Variants in PTGR2 observed in about 807,000 individuals in gnomAD.
PTGR2 encodes prostaglandin reductase 2, also known as 15-oxoprostaglandin 13-reductase.
In PTGR2, 32 loss-of-function variants were observed where a neutral mutation model predicts 43.4. The observed-to-expected ratio is 0.74, with a 90% confidence interval of 0.56 to 0.99. PTGR2 has a LOEUF of 0.99. PTGR2 is among the 50% of genes least tolerant of loss of function. PTGR2 has a pLI of 0.00. For synonymous variants in PTGR2, 106 were observed against 139.2 expected, an observed-to-expected ratio of 0.76 and a Z score of 1.68; for missense variants, 373 against 420.0, an observed-to-expected ratio of 0.89 and a Z score of 0.98.
chr14:73,857,664 GT>G (rs1213963564), intron 1 of PTGR2, among the ~76,000 whole-genome samples: 7,291 of 64,268 alleles, frequency 0.11, 151 homozygotes, highest in Admixed American at 0.18. Context: ...AGCAGTTAGT[GT>G]TTTTTTTTTT....
At position 73,883,825 on chromosome 14, in the gene PTGR2, C is replaced by G. The variant is rs535391015; in HGVS notation, c.980-276C>G. The stretch of plus-strand genomic sequence containing the variant: ...ATTCCCATTTTTTTTTGCCTCTAGT[C>G]TTCAGATACTGTAAACAATGAACAT... On this transcript the variant is annotated intron_variant, in intron 9 of 9. Transcript: ENST00000555661. Among the ~76,000 whole-genome samples, 4 of 152,104 alleles carry G rather than the reference C, an allele frequency of 2.6e-5. No homozygotes were observed. In the East Asian group the frequency reaches 7.7e-4, roughly 29 times the overall value.
chr14:73,862,859 C>T (rs910685975), intron 3 of PTGR2, among the ~76,000 whole-genome samples: 3 of 151,970 alleles, frequency 2.0e-5, no homozygotes, highest in Non-Finnish European at 4.4e-5. Flanking sequence ...AGGTATGCAC[C>T]ACCACACCCG....
chr14:73,870,352 T>G (rs2054699877), intron 3 of PTGR2, among the ~76,000 whole-genome samples: 1 of 152,070 alleles, frequency 6.6e-6, no homozygotes, highest in Non-Finnish European at 1.5e-5. Flanking sequence ...CTAATTTTTG[T>G]ATTTTTTAGT....
At chr14:73,881,172 C>A in intron 7 of PTGR2, 33 bp from the exon 8 acceptor site, 1 of 1,296,696 alleles carries the variant, frequency 7.7e-7, no homozygotes, top group South Asian at 1.2e-5. Flanking sequence ...CCGTTATATT[C>A]TCTGATCATT....
chr14:73,860,175 C>A (rs1566635006), intron 2 of PTGR2, among the ~76,000 whole-genome samples: 1 of 151,982 alleles, frequency 6.6e-6, no homozygotes, highest in Non-Finnish European at 1.5e-5. Context: ...AGGAACTGTT[C>A]TGAATCCTAG....
In PTGR2 at chr14:73,884,650, CT is replaced by C; in HGVS notation, c.*480del. 1 of 153,156 alleles carries C rather than the reference CT, an allele frequency of 6.5e-6. No individual in the cohort carries two copies. The highest frequency in any genetic ancestry group is 1.4e-5 in the Non-Finnish European group (1 of 69,562). The allele number at this position is 153,156 out of a possible 1,614,324, so 9.5% of individuals were successfully genotyped here. A position where few individuals can be genotyped will look rare whatever the true frequency, so the allele number is the denominator to read the frequency against. ...GGTGTAAAAATAGAATTGAGATGGCCTTTTTTTCACATTGTAGACTGAAAAG... is the reference window on the plus strand; with the variant it reads ...GGTGTAAAAATAGAATTGAGATGGCCTTTTTTCACATTGTAGACTGAAAAG... On this transcript the variant is annotated 3_prime_UTR_variant, in exon 10 of 10. Transcript: ENST00000555661.
At chr14:73,855,917 A>G (rs2054334538) in intron 1 of PTGR2, among the ~76,000 whole-genome samples, 1 of 150,904 alleles carries the variant, frequency 6.6e-6, no homozygotes, top group Admixed American at 6.6e-5. Context: ...TTAGCCGGGC[A>G]TGGTGGCACG....
At chr14:73,868,230 A>AGTGAGCC (rs1318723508) in intron 3 of PTGR2, among the ~76,000 whole-genome samples, 1 of 152,072 alleles carries the variant, frequency 6.6e-6, no homozygotes, top group African/African-American at 2.4e-5. Flanking sequence ...CCGAGGTTGC[A>AGTGAGCC]GTGAGCCGAG....
intron 7 of PTGR2, among the ~76,000 whole-genome samples, 172 bp from the exon 8 acceptor site, chr14:73,881,033 T>C (rs554705932): frequency 5.5e-4 from 84 of 152,218 alleles, no homozygotes; most frequent in South Asian, 1.2e-3. Context: ...AAATTATTAA[T>C]AGAAGTCTAC....
chr14:73,854,139 G>A (rs1260301693), intron 1 of PTGR2, among the ~76,000 whole-genome samples: 2 of 151,726 alleles, frequency 1.3e-5, no homozygotes, highest in African/African-American at 2.4e-5. Flanking sequence ...TTTCGCTCTT[G>A]TCCCCCAGGC....
intron 6 of PTGR2, 131 bp from the exon 7 acceptor site, chr14:73,879,924 C>T (rs1320526644): frequency 2.6e-6 from 2 of 779,522 alleles, no homozygotes; most frequent in African/African-American, 1.8e-5. Flanking sequence ...ATACCTCTAA[C>T]AGGTAAATTA....
intron 3 of PTGR2, among the ~76,000 whole-genome samples, chr14:73,866,092 C>G (rs562287060): frequency 3.9e-5 from 6 of 151,974 alleles, no homozygotes; most frequent in African/African-American, 1.4e-4. Flanking sequence ...ACCTCCACTT[C>G]CCGGGTTCAA....
intron 1 of PTGR2, among the ~76,000 whole-genome samples, chr14:73,857,208 T>C (rs1158954697): frequency 6.6e-6 from 1 of 151,684 alleles, no homozygotes; most frequent in Non-Finnish European, 1.5e-5. Context: ...ATATTACTTT[T>C]ATTGTCAGCT....
intron 3 of PTGR2, among the ~76,000 whole-genome samples, chr14:73,872,966 C>T (rs891195003): frequency 1.4e-5 from 2 of 147,314 alleles, no homozygotes; most frequent in East Asian, 2.0e-4. Flanking sequence ...GACAGAGACT[C>T]CATCTCAAAA....
Position 73,874,154 on chromosome 14 carries a change from G to C in PTGR2, c.288G>C (p.Val96=), listed in dbSNP as rs1037290573. Residue 96 remains valine (V), a synonymous_variant, in exon 4 of 10, where the codon GTG becomes GTC. Transcript: ENST00000555661. The part of the protein sequence containing the change: ...KHTNLTKGDF[V]TSFYWPWQTK... ...CAAATTTGACTAAAGGCGATTTTGT[G>C]ACTTCTTTCTATTGGCCCTGGCAAA... 3 of 1,613,886 alleles carry C rather than the reference G, an allele frequency of 1.9e-6. No homozygotes were observed. Among genetic ancestry groups the C allele is most frequent in the Non-Finnish European group, 2.5e-6 (3 of 1,179,942 alleles).
Position 73,885,443 on chromosome 14 carries a change from A to G in PTGR2, c.*1266A>G, listed in dbSNP as rs1374238391. 2 of 152,208 alleles carry G rather than the reference A, an allele frequency of 1.3e-5. No individual in the cohort carries two copies. Among genetic ancestry groups the G allele is most frequent in the Non-Finnish European group, 2.9e-5 (2 of 68,034 alleles). The allele number at this position is 152,208 out of a possible 1,614,324, so 9.4% of individuals were successfully genotyped here. ...GTACTCAACCCTCGCAGAACAGTAAAACTGAAGATTATTGTTTCTGAATGT... is the reference window on the plus strand; with the variant it reads ...GTACTCAACCCTCGCAGAACAGTAAGACTGAAGATTATTGTTTCTGAATGT... On this transcript the variant is annotated 3_prime_UTR_variant, in exon 10 of 10. Coordinates refer to ENST00000555661, the MANE Select transcript of PTGR2 (RefSeq NM_001146154.2).
At chr14:73,873,613 C>T (rs1284351495) in intron 3 of PTGR2, among the ~76,000 whole-genome samples, 3 of 151,802 alleles carry the variant, frequency 2.0e-5, no homozygotes, top group East Asian at 2.0e-4. Flanking sequence ...TACAGGCACC[C>T]GCCATCATGC....
Position 73,885,428 on chromosome 14 carries a change from C to A in PTGR2, c.*1251C>A, listed in dbSNP as rs2055107706. The A allele has an allele frequency of 6.6e-6, 1 of 152,216 alleles. No individual in the cohort carries two copies. The highest frequency in any genetic ancestry group is 1.5e-5 in the Non-Finnish European group (1 of 68,036). The allele number at this position is 152,216 out of a possible 1,614,324, so 9.4% of individuals were successfully genotyped here. A position where few individuals can be genotyped will look rare whatever the true frequency, so the allele number is the denominator to read the frequency against. ...TTTGTTTTATTAATTGTACTCAACC[C>A]TCGCAGAACAGTAAAACTGAAGATT... is the stretch of plus-strand genomic sequence containing the variant. On this transcript the variant is annotated 3_prime_UTR_variant, in exon 10 of 10. Transcript: ENST00000555661.
In PTGR2 at chr14:73,884,113, C is replaced by T. The variant is rs140636773; in HGVS notation, c.992C>T (p.Ser331Phe). 58 of 1,604,250 alleles carry T rather than the reference C, an allele frequency of 3.6e-5. No individual in the cohort carries two copies. Among genetic ancestry groups the T allele is most frequent in the Non-Finnish European group, 4.8e-5 (56 of 1,175,058 alleles). ...GLENMGAAFQ[S>F]MMTGGNIGKQ... ...TCTCTTTTTCCAGCTGCATTCCAGTCCATGATGACAGGAGGTAACATTGGA... is the reference window on the plus strand; with the variant it reads ...TCTCTTTTTCCAGCTGCATTCCAGTTCATGATGACAGGAGGTAACATTGGA... Residue 331 changes from serine (S) to phenylalanine (F), a missense_variant, in exon 10 of 10, where the codon TCC becomes TTC. Coordinates refer to ENST00000555661, the MANE Select transcript of PTGR2 (RefSeq NM_001146154.2).
Sources: gnomAD v4.1 joint callset for allele counts (sites outside exome capture counted in the v4.1 genomes callset) on GRCh38, gnomAD v4.1.1 for gene constraint, MANE v1.5 for transcripts, NCBI Gene and HGNC (gene_info 2026-07-23, HGNC 2026-07-21) for gene names.